Variants in CENPX observed in about 807,000 individuals in gnomAD.
The protein encoded by CENPX is centromere protein X.
In CENPX, 13 loss-of-function variants were observed where a neutral mutation model predicts 13.2. The ratio of observed to expected loss-of-function variants is 0.98; its 90% CI spans 0.64 to 1.56. The LOEUF is 1.56. Among genes scored for constraint, CENPX ranks in the 40% most tolerant of loss-of-function variants. CENPX has a pLI of 0.00. For synonymous variants in CENPX, 66 were observed against 47.2 expected (o/e 1.40, Z -1.63); for missense variants, 138 against 107.5 (o/e 1.28, Z -1.26).
intron 1 of CENPX, among the ~76,000 whole-genome samples, chr17:82,021,732 T>C (rs1449385573): frequency 6.6e-6 from 1 of 152,210 alleles, no homozygotes; most frequent in Non-Finnish European, 1.5e-5. Context: ...TCCTGGGGTG[T>C]GTACCCAGTG....
intron 3 of CENPX, 33 bp from the exon 4 acceptor site, chr17:82,019,414 TG>T: frequency 2.6e-6 from 4 of 1,532,384 alleles, no homozygotes; most frequent in Non-Finnish European, 2.6e-6. Flanking sequence ...TGGGGGATGC[TG>T]GGGGGATCTT....
At chr17:82,020,231 C>G (rs1196907463) in intron 1 of CENPX, among the ~76,000 whole-genome samples, 2 of 152,248 alleles carry the variant, frequency 1.3e-5, no homozygotes, top group African/African-American at 2.4e-5. Flanking sequence ...AAGGCCTCGT[C>G]GAGTCCGGCC....
At position 82,018,714 on chromosome 17, in the gene CENPX, G is replaced by A. The variant is rs935213352; in HGVS notation, c.*491C>T. 1 of 242,708 alleles carries A rather than the reference G, an allele frequency of 4.1e-6. No individual in the cohort carries two copies. Among genetic ancestry groups the A allele is most frequent in the African/African-American group, 2.2e-5 (1 of 45,694 alleles). 15.0% of individuals were successfully genotyped at this position (242,708 alleles called of 1,614,324 possible). A position where few individuals can be genotyped will look rare whatever the true frequency, so the allele number is the denominator to read the frequency against. ...CAAGAAAGCCAAGCTGGGAGAGACA[G>A]TTTTGATTTATTGATGTTGCTTTGT... is the stretch of plus-strand genomic sequence containing the variant. On this transcript the variant is annotated 3_prime_UTR_variant, in exon 5 of 5. Transcript: ENST00000392359.
At chr17:82,021,452 G>A (rs2043280086) in intron 1 of CENPX, among the ~76,000 whole-genome samples, 1 of 152,264 alleles carries the variant, frequency 6.6e-6, no homozygotes, top group Admixed American at 6.5e-5. Context: ...CCACGCCAGA[G>A]AGTGGCGGAT....
intron 1 of CENPX, among the ~76,000 whole-genome samples, chr17:82,022,378 G>A (rs983520371): frequency 2.0e-5 from 3 of 152,176 alleles, no homozygotes; most frequent in African/African-American, 4.8e-5. Flanking sequence ...GCCCACCGGG[G>A]AGCAAACAAA....
At chr17:82,019,264 C>T in intron 4 of CENPX, 29 bp downstream of exon 4, 11 of 1,597,162 alleles carry the variant, frequency 6.9e-6, no homozygotes, top group Non-Finnish European at 9.4e-6. Flanking sequence ...CGGGCACCCC[C>T]ACTTGCGCCC....
rs772005332 is a variant in CENPX at position 82,019,275 on chromosome 17, C to T, written c.231+18G>A. 3.4e-5 allele frequency: 54 copies of T among 1,596,732 alleles called. No individual in the cohort carries two copies. Among genetic ancestry groups the T allele is most frequent in the East Asian group, 3.2e-4 (14 of 44,310 alleles). On this transcript the variant is annotated intron_variant, in intron 4 of 4. Coordinates refer to ENST00000392359, the MANE Select transcript of CENPX (RefSeq NM_001271006.2). Reference sequence around the variant, plus strand: ...CAGCCGGGCACCCCCACTTGCGCCCCGACCCACGCTCACGCACCAGCTGCG... The same window carrying T: ...CAGCCGGGCACCCCCACTTGCGCCCTGACCCACGCTCACGCACCAGCTGCG...
chr17:82,019,451 G>C, intron 3 of CENPX, 70 bp from the exon 4 acceptor site: 1 of 1,514,942 alleles, frequency 6.6e-7, no homozygotes, highest in Non-Finnish European at 8.8e-7. Context: ...GAGGGCCTCA[G>C]CCTGGGCCGG....
Position 82,019,118 on chromosome 17 carries a change from C to T in CENPX, c.*87G>A, listed in dbSNP as rs2043223300. On this transcript the variant is annotated 3_prime_UTR_variant, in exon 5 of 5. Coordinates refer to ENST00000392359, the MANE Select transcript of CENPX (RefSeq NM_001271006.2). ...CCAAATCCTTCAGGTCCTTCCCTGC[C>T]TCTTATCAGAGGCCGCTGGAAACAC... 6.8e-7 allele frequency: 1 copy of T among 1,479,716 alleles called. No homozygotes were observed. Among genetic ancestry groups the T allele is most frequent in the South Asian group, 1.4e-5 (1 of 70,420 alleles). The allele number at this position is 1,479,716 out of a possible 1,614,324, so 91.7% of individuals were successfully genotyped here.
chr17:82,022,870 C>T lies in CENPX; in HGVS notation c.-9G>A, dbSNP rs1217167127. 1.3e-6 allele frequency: 2 copies of T among 1,589,488 alleles called. No homozygotes were observed. The highest frequency in any genetic ancestry group is 2.3e-5 in the East Asian group (1 of 43,886). On this transcript the variant is annotated 5_prime_UTR_variant, in exon 1 of 5. Coordinates refer to ENST00000392359, the MANE Select transcript of CENPX (RefSeq NM_001271006.2). The stretch of plus-strand genomic sequence containing the variant: ...GCTCCTGCTCCCTCCATGACCGCAG[C>T]CTCAACGCGCGCCCACCGGAACCCC...
rs1332395656 is a variant in CENPX at position 82,020,339 on chromosome 17, G to A, written c.37-430C>T. ...CCCGGGTTGGGTCTGGAGGCTGGAG[G>A]TGGCTGCTCTGCAGGTGGGCTGGCC... On this transcript the variant is annotated intron_variant, in intron 1 of 4. Coordinates refer to ENST00000392359, the MANE Select transcript of CENPX (RefSeq NM_001271006.2). 2.0e-5 allele frequency among the ~76,000 whole-genome samples: 3 copies of A among 152,236 alleles called. No individual in the cohort carries two copies. In the East Asian group the frequency reaches 5.8e-4, roughly 29 times the overall value.
rs753155850 is a variant in CENPX, at chr17:82,022,800, C to A, written c.36+26G>T. The A allele has an allele frequency of 3.2e-6, 5 of 1,571,470 alleles. No homozygotes were observed. In the South Asian group the frequency reaches 5.8e-5, roughly 18 times the overall value. On this transcript the variant is annotated intron_variant, in intron 1 of 4. Coordinates refer to ENST00000392359, the MANE Select transcript of CENPX (RefSeq NM_001271006.2). ...GGTCGGGACGGAGCGTCCGCGCCTG[C>A]CTAGCCCCTGCCCTCCGGCCCTCAC... is the stretch of plus-strand genomic sequence containing the variant.
Position 82,019,367 on chromosome 17 carries a change from C to G in CENPX, c.157G>C (p.Gly53Arg). 1.9e-6 allele frequency: 3 copies of G among 1,557,018 alleles called. No individual in the cohort carries two copies. Among genetic ancestry groups the G allele is most frequent in the South Asian group, 2.4e-5 (2 of 85,038 alleles). Residue 53 changes from glycine (G) to arginine (R), a missense_variant, in exon 4 of 5, where the codon GGC becomes CGC. Coordinates refer to ENST00000392359, the MANE Select transcript of CENPX (RefSeq NM_001271006.2). ...TCTTCTGCCTGGGCCTGCCGCACGCCGCGGACTGCTGCTTCTGCGGTGAGA... is the reference window on the plus strand; with the variant it reads ...TCTTCTGCCTGGGCCTGCCGCACGCGGCGGACTGCTGCTTCTGCGGTGAGA... Reference protein sequence around the residue: ...KVFVVEAAVRGVRQAQAEDAL... With the variant: ...KVFVVEAAVRRVRQAQAEDAL...
At position 82,019,138 on chromosome 17, in the gene CENPX, A is replaced by T; in HGVS notation, c.*67T>A. On this transcript the variant is annotated 3_prime_UTR_variant, in exon 5 of 5. Coordinates refer to ENST00000392359, the MANE Select transcript of CENPX (RefSeq NM_001271006.2). ...CCTGCCTCTTATCAGAGGCCGCTGG[A>T]AACACAAGGCCTGCTTCTGTGGACC... 6.7e-7 allele frequency: 1 copy of T among 1,496,956 alleles called. No individual in the cohort carries two copies. The highest frequency in any genetic ancestry group is 8.9e-7 in the Non-Finnish European group (1 of 1,123,220). 92.7% of individuals were successfully genotyped at this position (1,496,956 alleles called of 1,614,324 possible).
chr17:82,020,975 C>T (rs974429706), intron 1 of CENPX, among the ~76,000 whole-genome samples: 3 of 152,018 alleles, frequency 2.0e-5, no homozygotes, highest in Admixed American at 1.3e-4. Context: ...GGCCCACAGC[C>T]GCCGGGAAAG....
intron 1 of CENPX, 22 bp downstream of exon 1, chr17:82,022,804 G>C (rs780882067): frequency 2.5e-6 from 4 of 1,576,342 alleles, no homozygotes; most frequent in Middle Eastern, 2.0e-4. Flanking sequence ...CGCCTGCCTA[G>C]CCCCTGCCCT....
At chr17:82,021,234 T>TGTCCAGCATCCCGGCTC (rs1444689145) in intron 1 of CENPX, among the ~76,000 whole-genome samples, 1 of 151,986 alleles carries the variant, frequency 6.6e-6, no homozygotes, top group East Asian at 1.9e-4. Context: ...CATCCCGGCT[T>TGTCCAGCATCCCGGCTC]GTCCAGCATC....
intron 2 of CENPX, 27 bp downstream of exon 2, chr17:82,019,831 A>ACCAAC: frequency 6.4e-7 from 1 of 1,559,314 alleles, no homozygotes; most frequent in Non-Finnish European, 8.8e-7. Flanking sequence ...ACGGGGACCC[A>ACCAAC]CCTCCCGCCC....
rs559925382 is a variant in CENPX, at chr17:82,019,386, G to A, written c.143-5C>T. 27 of 1,544,236 alleles carry A rather than the reference G, an allele frequency of 1.7e-5. No homozygotes were observed. The highest frequency in any genetic ancestry group is 2.7e-5 in the African/African-American group (2 of 73,600). ...GCACGCCGCGGACTGCTGCTTCTGCGGTGAGAAACGCGAGAGGTGGGGGAT... is the reference window on the plus strand; with the variant it reads ...GCACGCCGCGGACTGCTGCTTCTGCAGTGAGAAACGCGAGAGGTGGGGGAT... On this transcript the variant is annotated splice_polypyrimidine_tract_variant and splice_region_variant and intron_variant, in intron 3 of 4. Transcript: ENST00000392359.
Sources: allele counts gnomAD v4.1 joint callset (sites outside exome capture counted in the v4.1 genomes callset), GRCh38; gene constraint gnomAD v4.1.1; transcripts MANE v1.5; gene names NCBI Gene and HGNC (gene_info 2026-07-23, HGNC 2026-07-21).